IL20: variants seen among roughly 807,000 people sequenced by gnomAD.
IL20 encodes interleukin 20.
IL20 carries 22 observed loss-of-function variants against 19.2 expected under a neutral mutation model. That is an observed-to-expected ratio of 1.15 (90% CI 0.82 to 1.64). The LOEUF is 1.64. Among genes scored for constraint, IL20 ranks in the 40% most tolerant of loss-of-function variants. The pLI is 0.00. For missense variants in IL20, 215 were observed against 212.8 expected (o/e 1.01, Z -0.06); for synonymous variants, 70 against 76.2 (o/e 0.92, Z 0.43).
In IL20 at chr1:206,866,566, A is replaced by G. The variant is rs1377337634; in HGVS notation, c.308A>G (p.His103Arg). Residue 103 changes from histidine (H) to arginine (R), a missense_variant, in exon 4 of 6, where the codon CAT becomes CGT. Coordinates refer to ENST00000367098, the MANE Select transcript of IL20 (RefSeq NM_018724.4). ...TTTAAAAACTACCAGACCCCTGACC[A>G]TTATACTCTCCGGAAGATCAGCAGC... ...RVFKNYQTPD[H>R]YTLRKISSLA... 3.7e-6 allele frequency: 6 copies of G among 1,614,030 alleles called. No individual in the cohort carries two copies. Among genetic ancestry groups the G allele is most frequent in the Non-Finnish European group, 5.1e-6 (6 of 1,179,990 alleles).
At chr1:206,866,952 C>T (rs1677568690) in intron 4 of IL20, among the ~76,000 whole-genome samples, 1 of 152,044 alleles carries the variant, frequency 6.6e-6, no homozygotes. Flanking sequence ...ATTAGTGCGT[C>T]CTCTGTCTAG....
chr1:206,866,627 C>G lies in IL20; in HGVS notation c.369C>G (p.Leu123=). Residue 123 remains leucine (L), a synonymous_variant, in exon 4 of 6, where the codon CTC becomes CTG. Transcript: ENST00000367098. ...ANSFLTIKKD[L]RLCHAHMTCH... ...CCTTTCTTACCATCAAGAAGGACCTCCGGCTCTGTGTGAGTGTGGGTCTTG... is the reference window on the plus strand; with the variant it reads ...CCTTTCTTACCATCAAGAAGGACCTGCGGCTCTGTGTGAGTGTGGGTCTTG... The G allele has an allele frequency of 6.2e-7, 1 of 1,614,058 alleles. No homozygotes were observed.
At chr1:206,865,216 T>C (rs572404464), upstream of IL20, 1 of 152,450 alleles carries the variant, frequency 6.6e-6, no homozygotes, top group African/African-American at 2.4e-5. This position sits in a 1 kb window ranked among gnomAD's most constrained non-coding sequence, Gnocchi z 4.1. Flanking sequence ...TCATTGACTT[T>C]CTATTTGCCT....
Position 206,865,761 on chromosome 1 carries a change from C to G in IL20, c.-30-62C>G, listed in dbSNP as rs1030731703. The G allele has an allele frequency of 1.3e-6, 2 of 1,531,300 alleles. No individual in the cohort carries two copies. Among genetic ancestry groups the G allele is most frequent in the Non-Finnish European group, 1.8e-6 (2 of 1,131,430 alleles). The allele number at this position is 1,531,300 out of a possible 1,614,324, so 94.9% of individuals were successfully genotyped here. ...TCTTCCCCTGACCCCCCACCCCTCA[C>G]CCCGTGGACACTTGGAGGAGGGGAA... On this transcript the variant is annotated intron_variant, in intron 1 of 5. Transcript: ENST00000367098. This position sits in a 1 kb window ranked among gnomAD's most constrained non-coding sequence, Gnocchi z 4.1.
Position 206,866,026 on chromosome 1 carries a change from A to G in IL20, c.159+15A>G. 6.2e-7 allele frequency: 1 copy of G among 1,610,166 alleles called. No homozygotes were observed. Among genetic ancestry groups the G allele is most frequent in the Non-Finnish European group, 8.5e-7 (1 of 1,176,384 alleles). ...GGGGCAGTGTGGTACGTAAGCGGGT[A>G]TCTACCTCTCCTGAAAGCCTTTTCT... On this transcript the variant is annotated intron_variant, in intron 2 of 5. Coordinates refer to ENST00000367098, the MANE Select transcript of IL20 (RefSeq NM_018724.4).
chr1:206,865,799 A>G lies in IL20; in HGVS notation c.-30-24A>G. 1.2e-6 allele frequency: 2 copies of G among 1,603,710 alleles called. No homozygotes were observed. Among genetic ancestry groups the G allele is most frequent in the Non-Finnish European group, 8.5e-7 (1 of 1,174,566 alleles). On this transcript the variant is annotated intron_variant, in intron 1 of 5. Coordinates refer to ENST00000367098, the MANE Select transcript of IL20 (RefSeq NM_018724.4). The surrounding 1 kb of genome is among the most constrained non-coding windows in gnomAD (Gnocchi z 4.1). ...TGGAGGAGGGGAAACTCAGTAAGTC[A>G]TGCTCTCTTCTTTGAATTCCTAGCT...
chr1:206,868,164 G>A (rs1355346948), intron 5 of IL20, among the ~76,000 whole-genome samples: 3 of 150,094 alleles, frequency 2.0e-5, no homozygotes, highest in Non-Finnish European at 1.5e-5. Context: ...ACACACACAG[G>A]CACGTGCACA....
At position 206,866,318 on chromosome 1, in the gene IL20, T is replaced by C. The variant is rs745715986; in HGVS notation, c.179T>C (p.Ile60Thr). The C allele has an allele frequency of 4.0e-5, 65 of 1,613,968 alleles. No individual in the cohort carries two copies. Among genetic ancestry groups the C allele is most frequent in the Non-Finnish European group, 5.3e-5 (63 of 1,179,992 alleles). Residue 60 changes from isoleucine (I) to threonine (T), a missense_variant, in exon 3 of 6, where the codon ATT (isoleucine) becomes ACT (threonine). Coordinates refer to ENST00000367098, the MANE Select transcript of IL20 (RefSeq NM_018724.4). ...GTTTAGCAAGCCAAAGATGGAAACA[T>C]TGACATCAGAATCTTAAGGAGGACT... ...RGSVQAKDGNIDIRILRRTES... is the reference protein window; with the variant it reads ...RGSVQAKDGNTDIRILRRTES...
At position 206,865,827 on chromosome 1, in the gene IL20, T is replaced by C; in HGVS notation, c.-26T>C. The C allele has an allele frequency of 6.2e-7, 1 of 1,600,426 alleles. No homozygotes were observed. Among genetic ancestry groups the C allele is most frequent in the Non-Finnish European group, 8.5e-7 (1 of 1,171,122 alleles). On this transcript the variant is annotated 5_prime_UTR_variant, in exon 2 of 6. Transcript: ENST00000367098. The surrounding 1 kb of genome is among the most constrained non-coding windows in gnomAD (Gnocchi z 4.1). ...CTCTCTTCTTTGAATTCCTAGCTCCTGTGGTCTCCAGATTTCAGGCCTAAG... is the reference window on the plus strand; with the variant it reads ...CTCTCTTCTTTGAATTCCTAGCTCCCGTGGTCTCCAGATTTCAGGCCTAAG...
chr1:206,864,833 T>G (rs1034049915), upstream of IL20, among the ~76,000 whole-genome samples: 1 of 152,250 alleles, frequency 6.6e-6, no homozygotes, highest in Non-Finnish European at 1.5e-5. Context: ...TCTTGATGAC[T>G]GAGGTTTTTT....
chr1:206,867,377 T>G lies in IL20; in HGVS notation c.379-7T>G. The G allele has an allele frequency of 6.2e-7, 1 of 1,611,430 alleles. No individual in the cohort carries two copies. Among genetic ancestry groups the G allele is most frequent in the Non-Finnish European group, 8.5e-7 (1 of 1,177,906 alleles). Reference sequence around the variant, plus strand: ...ATATAATCTATTATTCTTTGGGTCCTTTTCAGCATGCCCACATGACATGCC... The same window carrying G: ...ATATAATCTATTATTCTTTGGGTCCGTTTCAGCATGCCCACATGACATGCC... On this transcript the variant is annotated splice_region_variant and splice_polypyrimidine_tract_variant and intron_variant, in intron 4 of 5. Transcript: ENST00000367098.
Position 206,868,701 on chromosome 1 carries a change from G to A in IL20, c.*137G>A, listed in dbSNP as rs1241668886. 4.5e-6 allele frequency: 2 copies of A among 442,888 alleles called. No individual in the cohort carries two copies. The highest frequency in any genetic ancestry group is 7.7e-6 in the Non-Finnish European group (2 of 260,646). 27.4% of individuals were successfully genotyped at this position (442,888 alleles called of 1,614,324 possible). A position where few individuals can be genotyped will look rare whatever the true frequency, so the allele number is the denominator to read the frequency against. On this transcript the variant is annotated 3_prime_UTR_variant, in exon 6 of 6. Coordinates refer to ENST00000367098, the MANE Select transcript of IL20 (RefSeq NM_018724.4). ...GCTGGTCACAGTGTATCTTATTTAT[G>A]CATTACTTGCTTCCTTGCATGATTG...
At position 206,865,625 on chromosome 1, in the gene IL20, A is replaced by T; in HGVS notation, c.-92A>T. On this transcript the variant is annotated 5_prime_UTR_variant, in exon 1 of 6. Transcript: ENST00000367098. This position sits in a 1 kb window ranked among gnomAD's most constrained non-coding sequence, Gnocchi z 4.1. Reference sequence around the variant, plus strand: ...GCCACGACCTGTGCCACCAACTCGCACTCAGACTCTGAACTCAGACCTGAA... The same window carrying T: ...GCCACGACCTGTGCCACCAACTCGCTCTCAGACTCTGAACTCAGACCTGAA... 7.5e-7 allele frequency: 1 copy of T among 1,338,438 alleles called. No homozygotes were observed. Among genetic ancestry groups the T allele is most frequent in the Non-Finnish European group, 9.6e-7 (1 of 1,042,660 alleles). The allele number at this position is 1,338,438 out of a possible 1,614,324, so 82.9% of individuals were successfully genotyped here.
At chr1:206,868,265 A>AC (rs1011897873) in intron 5 of IL20, among the ~76,000 whole-genome samples, 1 of 152,052 alleles carries the variant, frequency 6.6e-6, no homozygotes, top group Admixed American at 6.5e-5. Flanking sequence ...TACTTCTGCT[A>AC]CCCCCTTGCA....
At position 206,865,634 on chromosome 1, in the gene IL20, C is replaced by T. The variant is rs1332477414; in HGVS notation, c.-83C>T. On this transcript the variant is annotated 5_prime_UTR_variant, in exon 1 of 6. Coordinates refer to ENST00000367098, the MANE Select transcript of IL20 (RefSeq NM_018724.4). This position sits in a 1 kb window ranked among gnomAD's most constrained non-coding sequence, Gnocchi z 4.1. ...TGTGCCACCAACTCGCACTCAGACT[C>T]TGAACTCAGACCTGAAATCTTCTCT... The T allele has an allele frequency of 1.5e-6, 2 of 1,355,930 alleles. 1 individual carries two copies. Among genetic ancestry groups the T allele is most frequent in the Middle Eastern group, 3.9e-4 (2 of 5,192 alleles). The allele number at this position is 1,355,930 out of a possible 1,614,324, so 84.0% of individuals were successfully genotyped here.
In IL20 at chr1:206,865,665, G is replaced by T. The variant is rs1677523575; in HGVS notation, c.-52G>T. 4 of 1,386,212 alleles carry T rather than the reference G, an allele frequency of 2.9e-6. No individual in the cohort carries two copies. The African/African-American group carries it at 5.8e-5, about 20-fold the overall frequency. 85.9% of individuals were successfully genotyped at this position (1,386,212 alleles called of 1,614,324 possible). A position where few individuals can be genotyped will look rare whatever the true frequency, so the allele number is the denominator to read the frequency against. On this transcript the variant is annotated 5_prime_UTR_variant, in exon 1 of 6. Coordinates refer to ENST00000367098, the MANE Select transcript of IL20 (RefSeq NM_018724.4). This position sits in a 1 kb window ranked among gnomAD's most constrained non-coding sequence, Gnocchi z 4.1. The stretch of plus-strand genomic sequence containing the variant: ...TCAGACCTGAAATCTTCTCTTCACG[G>T]GAGGCTTGGCAGTTTTTCTTAGTAA...
rs150575323 is a variant in IL20, at chr1:206,866,628, C to T, written c.370C>T (p.Arg124Trp). 8.3e-5 allele frequency: 134 copies of T among 1,613,900 alleles called. No individual in the cohort carries two copies. In the African/African-American group the frequency reaches 1.5e-3, roughly 18 times the overall value. The stretch of plus-strand genomic sequence containing the variant: ...CTTTCTTACCATCAAGAAGGACCTC[C>T]GGCTCTGTGTGAGTGTGGGTCTTGG... Reference protein sequence around the residue: ...NSFLTIKKDLRLCHAHMTCHC... With the variant: ...NSFLTIKKDLWLCHAHMTCHC... Residue 124 changes from arginine to tryptophan, a missense_variant, in exon 4 of 6, where the codon CGG (arginine) becomes TGG (tryptophan). Arg to Trp is a moderately radical substitution (Grantham distance 101). Coordinates refer to ENST00000367098, the MANE Select transcript of IL20 (RefSeq NM_018724.4).
chr1:206,866,143 T>G, intron 2 of IL20, 132 bp downstream of exon 2: 1 of 1,148,614 alleles, frequency 8.7e-7, no homozygotes, highest in Non-Finnish European at 1.3e-6. Flanking sequence ...GGGGGATGTA[T>G]TCCAAAGAAA....
Position 206,866,050 on chromosome 1 carries a change from C to A in IL20, c.159+39C>A, listed in dbSNP as rs201273849. The A allele has an allele frequency of 5.1e-6, 8 of 1,572,548 alleles. No individual in the cohort carries two copies. The African/African-American group carries it at 5.4e-5, about 11-fold the overall frequency. Reference sequence around the variant, plus strand: ...TATCTACCTCTCCTGAAAGCCTTTTCTCTTCCTTCCTTGTCCGTTTCTCTT... The same window carrying A: ...TATCTACCTCTCCTGAAAGCCTTTTATCTTCCTTCCTTGTCCGTTTCTCTT... On this transcript the variant is annotated intron_variant, in intron 2 of 5. Transcript: ENST00000367098.
Sources: gnomAD v4.1 joint callset for allele counts (sites outside exome capture counted in the v4.1 genomes callset) on GRCh38, gnomAD v4.1.1 for gene constraint, Gnocchi (gnomAD v3.1) non-coding constraint, MANE v1.5 for transcripts, NCBI Gene and HGNC (gene_info 2026-07-23, HGNC 2026-07-21) for gene names.